Variants in MYO3B observed in about 807,000 individuals in gnomAD.
MYO3B encodes myosin-IIIb.
A neutral mutation model predicts 174.6 loss-of-function variants in MYO3B; 156 were observed. The ratio of observed to expected loss-of-function variants is 0.89; its 90% confidence interval spans 0.78 to 1.02. The LOEUF (loss-of-function observed/expected upper bound fraction) is 1.02, where lower values mean the gene tolerates loss of function less well. Among genes scored for constraint, MYO3B ranks in the 50% least tolerant of loss-of-function variants. The probability of loss-of-function intolerance (pLI) is 0.00; values close to 1 mark genes in which losing one functional copy is unlikely to be tolerated. For missense variants in MYO3B, 1,632 were observed against 1,639.4 expected (o/e 1.00, Z 0.08); for synonymous variants, 563 against 569.1 (o/e 0.99, Z 0.15).
At chr2:170,552,589 A>G (rs1160613001) in intron 32 of MYO3B, among the ~76,000 whole-genome samples, 2 of 152,220 alleles carry the variant, frequency 1.3e-5, no homozygotes, top group Non-Finnish European at 2.9e-5. Flanking sequence ...TGAAACTAGA[A>G]CGTTTATTTA....
intron 7 of MYO3B, among the ~76,000 whole-genome samples, chr2:170,256,209 T>C (rs1227659967): frequency 2.6e-5 from 4 of 152,230 alleles, no homozygotes; most frequent in African/African-American, 9.6e-5. Flanking sequence ...TTGGCTAACA[T>C]ATTTGAGGAT....
At chr2:170,494,727 C>CAAAAAAAAA (rs3066990) in intron 25 of MYO3B, among the ~76,000 whole-genome samples, 7 of 92,028 alleles carry the variant, frequency 7.6e-5, no homozygotes, top group East Asian at 3.2e-4. Flanking sequence ...AACTGCGTCT[C>CAAAAAAAAA]AAAAAAAAAA....
chr2:170,354,164 G>T (rs1477446814), intron 8 of MYO3B, among the ~76,000 whole-genome samples: 1 of 152,198 alleles, frequency 6.6e-6, no homozygotes, highest in Non-Finnish European at 1.5e-5. Context: ...TTAATGCTAG[G>T]CATTGCCTGT....
intron 32 of MYO3B, among the ~76,000 whole-genome samples, chr2:170,583,832 G>T (rs557877566): frequency 6.6e-6 from 1 of 152,204 alleles, no homozygotes; most frequent in East Asian, 1.9e-4. Flanking sequence ...TGTGACTTCA[G>T]ACTCAGTCTC....
chr2:170,646,659 G>T (rs969883401), intron 32 of MYO3B, among the ~76,000 whole-genome samples: 1 of 152,206 alleles, frequency 6.6e-6, no homozygotes, highest in African/African-American at 2.4e-5. Flanking sequence ...GCCTCCCAAA[G>T]TGTTGGGATT....
chr2:170,557,916 T>A (rs1691438392), intron 32 of MYO3B, among the ~76,000 whole-genome samples: 1 of 152,156 alleles, frequency 6.6e-6, no homozygotes, highest in Non-Finnish European at 1.5e-5. Context: ...GTTGTTTATT[T>A]TGTTTTGCAC....
chr2:170,464,853 A>G (rs1684518010), intron 24 of MYO3B, among the ~76,000 whole-genome samples: 1 of 151,738 alleles, frequency 6.6e-6, no homozygotes, highest in Admixed American at 6.6e-5. Context: ...ATGAAGGAAT[A>G]CTTGAGACTG....
intron 3 of MYO3B, among the ~76,000 whole-genome samples, chr2:170,207,967 G>T (rs1574579445): frequency 6.6e-6 from 1 of 152,132 alleles, no homozygotes; most frequent in Admixed American, 6.5e-5. Context: ...GAGTCTGGGG[G>T]TGGGAGTATC....
At chr2:170,303,852 AT>A (rs2093682352) in intron 7 of MYO3B, among the ~76,000 whole-genome samples, 1 of 151,956 alleles carries the variant, frequency 6.6e-6, no homozygotes, top group Non-Finnish European at 1.5e-5. Context: ...TGTAACTTTG[AT>A]TTTTTTACCA....
chr2:170,487,456 A>T (rs1262405947), intron 25 of MYO3B, among the ~76,000 whole-genome samples: 1 of 152,206 alleles, frequency 6.6e-6, no homozygotes, highest in African/African-American at 2.4e-5. Context: ...AGTAGATCCT[A>T]CGTCAAGTTT....
intron 7 of MYO3B, chr2:170,334,549 C>T (rs1411686626): frequency 1.3e-5 from 2 of 152,110 alleles, no homozygotes; most frequent in African/African-American, 4.8e-5. Flanking sequence ...CTGTCACTTT[C>T]TTCATTTTCT....
chr2:170,443,932 C>T, intron 22 of MYO3B, 35 bp from the exon 23 acceptor site: 1 of 1,560,670 alleles, frequency 6.4e-7, no homozygotes, highest in Middle Eastern at 1.7e-4. Context: ...CTTAACTTTT[C>T]CTTTAATTTA....
chr2:170,516,035 C>T (rs1321059877), intron 29 of MYO3B, among the ~76,000 whole-genome samples: 2 of 152,020 alleles, frequency 1.3e-5, no homozygotes, highest in African/African-American at 4.8e-5. Flanking sequence ...CACTGTTTCC[C>T]CCTAGAAGTC....
At chr2:170,498,095 A>G (rs952345847) in intron 25 of MYO3B, among the ~76,000 whole-genome samples, 1 of 152,218 alleles carries the variant, frequency 6.6e-6, no homozygotes, top group Non-Finnish European at 1.5e-5. Flanking sequence ...AAGAAAATAC[A>G]CCTCCTCTAT....
rs113747024 is a variant in MYO3B, at chr2:170,246,926, C to G, written c.749+10790C>G. 6.9e-3 allele frequency among the ~76,000 whole-genome samples: 1,055 copies of G among 152,214 alleles called. 8 individuals carry two copies. Among genetic ancestry groups the G allele is most frequent in the Middle Eastern group, 0.031 (9 of 294 alleles). Reference sequence around the variant, plus strand: ...TGGGTATAGGAGTTAGATTGGCCAGCCTTCCATTCTTCAACCCCCACTAAG... The same window carrying G: ...TGGGTATAGGAGTTAGATTGGCCAGGCTTCCATTCTTCAACCCCCACTAAG... On this transcript the variant is annotated intron_variant, in intron 7 of 34. Coordinates refer to ENST00000408978, the MANE Select transcript of MYO3B (RefSeq NM_138995.5).
At chr2:170,604,170 G>A (rs562977170) in intron 32 of MYO3B, among the ~76,000 whole-genome samples, 1 of 152,322 alleles carries the variant, frequency 6.6e-6, no homozygotes, top group Admixed American at 6.5e-5. Flanking sequence ...GTTAAGCGAT[G>A]CTTGACTTTA....
At chr2:170,597,560 CTA>C (rs907740370) in intron 32 of MYO3B, among the ~76,000 whole-genome samples, 5 of 151,988 alleles carry the variant, frequency 3.3e-5, no homozygotes, top group Non-Finnish European at 7.4e-5. Context: ...CCCATCAATT[CTA>C]TGATTCCCTG....
At chr2:170,573,958 G>A (rs1473285212) in intron 32 of MYO3B, among the ~76,000 whole-genome samples, 1 of 151,944 alleles carries the variant, frequency 6.6e-6, no homozygotes, top group Non-Finnish European at 1.5e-5. Flanking sequence ...GCTTAGAGTT[G>A]GAATATGCCT....
intron 6 of MYO3B, among the ~76,000 whole-genome samples, chr2:170,227,074 A>G (rs2092959598): frequency 6.6e-6 from 1 of 152,178 alleles, no homozygotes; most frequent in Non-Finnish European, 1.5e-5. Flanking sequence ...GTCTCAGCCC[A>G]TGAAAGAGAA....
Sources: allele counts gnomAD v4.1 joint callset (sites outside exome capture counted in the v4.1 genomes callset), GRCh38; gene constraint gnomAD v4.1.1; transcripts MANE v1.5; gene names NCBI Gene and HGNC (gene_info 2026-07-23, HGNC 2026-07-21).